The following SKIC8 variants were observed in gnomAD, a reference collection of about 807,000 sequenced individuals.
SKIC8 encodes the protein SKI8 subunit of superkiller complex, also known as superkiller complex protein 8.
At chr15:78,294,779 T>C in the SKIC8 span, 1 of 606,350 alleles carries the variant, frequency 1.6e-6, no homozygotes, top group South Asian at 2.6e-5. Context: ...TTTGTTGTTG[T>C]TGTTGTTGTT....
the SKIC8 span, chr15:78,294,849 T>G: frequency 6.8e-7 from 1 of 1,469,852 alleles, no homozygotes; most frequent in Non-Finnish European, 9.5e-7. Flanking sequence ...TGAGTATACT[T>G]GAAAACTGCA....
At chr15:78,289,520 C>T in the SKIC8 span, 784 of 864,974 alleles carry the variant, frequency 9.1e-4, 2 homozygotes, top group African/African-American at 0.012. Flanking sequence ...TTTTGTAAAT[C>T]TAATGCCCAT....
chr15:78,292,832 A>G, the SKIC8 span: 2 of 1,603,424 alleles, frequency 1.2e-6, no homozygotes, highest in Admixed American at 1.7e-5. Flanking sequence ...CAAAGAACAC[A>G]CTTTACCTGG....
chr15:78,293,032 G>A, the SKIC8 span: 2 of 834,198 alleles, frequency 2.4e-6, no homozygotes, highest in Admixed American at 5.7e-5. Flanking sequence ...AAAATAAGCT[G>A]CTGTTTTATA....
the SKIC8 span, chr15:78,288,424 C>A: frequency 6.3e-7 from 1 of 1,585,780 alleles, no homozygotes; most frequent in South Asian, 1.1e-5. Flanking sequence ...TGAACCACTG[C>A]CTCCTCACTC....
chr15:78,284,429 T>A, the SKIC8 span: 1 of 152,162 alleles, frequency 6.6e-6, no homozygotes, highest in Non-Finnish European at 1.5e-5. Flanking sequence ...AGAGGAGAAA[T>A]CTATAGGACC....
At chr15:78,283,249 G>T in the SKIC8 span, 1 of 526,082 alleles carries the variant, frequency 1.9e-6, no homozygotes. Flanking sequence ...CATTAAGAAA[G>T]CTTTATGTTA....
chr15:78,293,087 C>T, the SKIC8 span: 6 of 1,264,984 alleles, frequency 4.7e-6, no homozygotes, highest in South Asian at 2.6e-5. Flanking sequence ...AAGTATTTCC[C>T]GGACTGCAAC....
At chr15:78,292,965 G>A in the SKIC8 span, 3 of 927,592 alleles carry the variant, frequency 3.2e-6, no homozygotes, top group South Asian at 3.6e-5. Flanking sequence ...AGGACTTTAA[G>A]ATTTTTTTTT....
At chr15:78,291,976 G>GATA in the SKIC8 span, 1 of 152,510 alleles carries the variant, frequency 6.6e-6, no homozygotes, top group Non-Finnish European at 1.5e-5. Context: ...GTCAGCCTAT[G>GATA]ACATCATTAA....
the SKIC8 span, chr15:78,284,554 C>G: frequency 1.3e-5 from 2 of 152,184 alleles, no homozygotes; most frequent in Admixed American, 1.3e-4. Context: ...CAGCCTTGGC[C>G]TCACCTGGAA....
chr15:78,289,488 A>G, the SKIC8 span: 2 of 694,074 alleles, frequency 2.9e-6, no homozygotes. Flanking sequence ...GAGGCATTTC[A>G]GTTTTCCAAT....
At chr15:78,293,049 T>C in the SKIC8 span, 1 of 914,372 alleles carries the variant, frequency 1.1e-6, no homozygotes, top group Non-Finnish European at 1.7e-6. Context: ...TATACCACCA[T>C]ATTGCTATTG....
chr15:78,295,476 G>T, the SKIC8 span: 3 of 603,034 alleles, frequency 5.0e-6, no homozygotes, highest in Non-Finnish European at 6.1e-6. Flanking sequence ...AGACTTGGAT[G>T]AACCAATCCT....
the SKIC8 span, among the ~76,000 whole-genome samples, chr15:78,298,319 C>A: frequency 6.6e-6 from 1 of 152,184 alleles, no homozygotes; most frequent in South Asian, 2.1e-4. Context: ...TCAATGAGTG[C>A]ACATTTGAGG....
the SKIC8 span, among the ~76,000 whole-genome samples, chr15:78,287,762 G>T: frequency 6.6e-6 from 1 of 152,164 alleles, no homozygotes; most frequent in East Asian, 1.9e-4. Flanking sequence ...TTACAATGAC[G>T]GCTGTGAATG....
At chr15:78,293,046 C>A in the SKIC8 span, 24 of 897,004 alleles carry the variant, frequency 2.7e-5, no homozygotes, top group South Asian at 4.0e-4. Flanking sequence ...TTTTATACCA[C>A]CATATTGCTA....
the SKIC8 span, chr15:78,290,142 T>C: frequency 6.4e-7 from 1 of 1,560,478 alleles, no homozygotes; most frequent in Non-Finnish European, 8.6e-7. Context: ...GTGAAAAGAC[T>C]TGGCCTTAAT....
chr15:78,288,285 T>C, the SKIC8 span: 1 of 1,613,662 alleles, frequency 6.2e-7, no homozygotes, highest in African/African-American at 1.3e-5. Context: ...TTAAGGTAAC[T>C]TACACATCAT....
Sources: gnomAD v4.1 joint callset for allele counts (sites outside exome capture counted in the v4.1 genomes callset) on GRCh38, gnomAD v4.1.1 for gene constraint, MANE v1.5 for transcripts, NCBI Gene and HGNC (gene_info 2026-07-23, HGNC 2026-07-21) for gene names.